The following ICE1 variants were observed in gnomAD, a reference collection of about 807,000 sequenced individuals.
ICE1 encodes interactor of little elongation complex ELL subunit 1, also known as little elongation complex subunit 1.
A neutral mutation model predicts 192.7 loss-of-function variants in ICE1; 64 were observed. The ratio of observed to expected loss-of-function variants is 0.33; its 90% CI spans 0.27 to 0.41. ICE1 has a LOEUF of 0.41. Among genes scored for constraint, ICE1 ranks in the 10% least tolerant of loss-of-function variants. The pLI is 1.00. For synonymous variants in ICE1, 1,010 were observed against 984.5 expected (o/e 1.03, Z -0.49); for missense variants, 2,708 against 2,696.0 (o/e 1.00, Z -0.10).
intron 15 of ICE1, among the ~76,000 whole-genome samples, chr5:5,473,128 T>C (rs1034893584): frequency 1.3e-4 from 20 of 152,218 alleles, no homozygotes; most frequent in Admixed American, 6.5e-4. Flanking sequence ...GAAATAAGAA[T>C]TCATTACTGT....
chr5:5,468,755 A>G (rs1739068143), intron 14 of ICE1, 73 bp from the exon 15 acceptor site: 1 of 935,602 alleles, frequency 1.1e-6, no homozygotes, highest in Non-Finnish European at 1.5e-6. Flanking sequence ...AATTAATACA[A>G]TTTGTTCTTA....
rs375809752 is a variant in ICE1, at chr5:5,462,022, C to T, written c.2688C>T (p.Thr896=). 2.5e-5 allele frequency: 40 copies of T among 1,613,798 alleles called. No homozygotes were observed. The highest frequency in any genetic ancestry group is 1.6e-4 in the African/African-American group (12 of 74,914). ...TLVTENSGNK[T]GMSTVAKCDG... is the part of the protein sequence containing the mutation. ...TAACAGAAAATAGTGGCAACAAAAC[C>T]GGTATGTCAACTGTAGCAAAATGTG... Residue 896 remains threonine (T), a synonymous_variant, in exon 13 of 19, where the codon ACC becomes ACT. Transcript: ENST00000296564.
At chr5:5,444,403 G>C in intron 7 of ICE1, 77 bp downstream of exon 7, 1 of 976,398 alleles carries the variant, frequency 1.0e-6, no homozygotes, top group Non-Finnish European at 1.6e-6. Context: ...GGTACTTCTT[G>C]ATCAAATAGT....
chr5:5,459,996 C>G (rs192828017), intron 12 of ICE1, among the ~76,000 whole-genome samples: 44 of 152,234 alleles, frequency 2.9e-4, no homozygotes, highest in African/African-American at 1.1e-3. Context: ...TCCCTCCCCC[C>G]CTGCACAAGG....
Position 5,460,771 on chromosome 5 carries a change from A to G in ICE1, c.1437A>G (p.Leu479=). ...TGAGTGATAGAAAAAGAGACATTTT[A>G]CATGAGACAAAAACACAAATGGAGG... ...RSMSDRKRDI[L]HETKTQMEVR... Residue 479 remains leucine (L), a synonymous_variant, in exon 13 of 19, where the codon TTA becomes TTG. Transcript: ENST00000296564. The G allele has an allele frequency of 1.2e-6, 2 of 1,614,050 alleles. No individual in the cohort carries two copies. The highest frequency in any genetic ancestry group is 1.7e-6 in the Non-Finnish European group (2 of 1,179,908).
intron 17 of ICE1, among the ~76,000 whole-genome samples, chr5:5,482,256 A>G (rs1324629860): frequency 6.6e-6 from 1 of 152,220 alleles, no homozygotes; most frequent in Non-Finnish European, 1.5e-5. Context: ...ATTTAATAAT[A>G]TGTATTATTT....
At chr5:5,432,822 A>G (rs1255169808) in intron 1 of ICE1, among the ~76,000 whole-genome samples, 2 of 152,196 alleles carry the variant, frequency 1.3e-5, no homozygotes, top group Non-Finnish European at 2.9e-5. Context: ...TCCTATTAAT[A>G]AACATTTTTT....
chr5:5,454,752 G>A (rs1561083961), intron 11 of ICE1, 114 bp downstream of exon 11: 2 of 664,028 alleles, frequency 3.0e-6, no homozygotes, highest in Non-Finnish European at 5.2e-6. Context: ...AAAGAATGAA[G>A]TAAACTAGAA....
intron 18 of ICE1, among the ~76,000 whole-genome samples, chr5:5,487,775 C>A (rs968042389): frequency 5.9e-5 from 9 of 152,202 alleles, no homozygotes; most frequent in Non-Finnish European, 8.8e-5. Context: ...CTGTGGTAAT[C>A]CTCGTCCCCA....
At chr5:5,435,668 T>G (rs202179075) in intron 1 of ICE1, among the ~76,000 whole-genome samples, 12,441 of 123,150 alleles carry the variant, frequency 0.1, 1,140 homozygotes, top group African/African-American at 0.25. Context: ...TTTTTTTTTT[T>G]TTTTGTTTTG....
At chr5:5,451,291 G>C (rs1357267788) in intron 10 of ICE1, among the ~76,000 whole-genome samples, 2 of 152,180 alleles carry the variant, frequency 1.3e-5, no homozygotes, top group Admixed American at 6.5e-5. Flanking sequence ...AAAGGAATAT[G>C]TTAAGGCCTT....
chr5:5,451,472 G>A (rs774743603), intron 10 of ICE1, among the ~76,000 whole-genome samples: 1 of 152,030 alleles, frequency 6.6e-6, no homozygotes, highest in Non-Finnish European at 1.5e-5. Flanking sequence ...CAACTCTTTG[G>A]TAAACTTTGA....
chr5:5,435,681 T>TG lies in ICE1; in HGVS notation c.85-737_85-736insG, dbSNP rs1561074335. Among the ~76,000 whole-genome samples the TG allele has an allele frequency of 9.7e-3, 1,106 of 114,406 alleles. 14 individuals carry two copies. Among genetic ancestry groups the TG allele is most frequent in the South Asian group, 0.021 (74 of 3,520 alleles). The allele number at this position is 114,406 out of a possible 152,430, so 75.1% of individuals were successfully genotyped here. Reference sequence around the variant, plus strand: ...TGTTTTTTTTTTTTTTTGTTTTGTTTTTGTTTTTTTTTTCGAGATGGAATC... The same window carrying TG: ...TGTTTTTTTTTTTTTTTGTTTTGTTTGTTGTTTTTTTTTTCGAGATGGAATC... On this transcript the variant is annotated intron_variant, in intron 1 of 18. Transcript: ENST00000296564.
At chr5:5,483,073 C>T (rs1579582546) in intron 17 of ICE1, among the ~76,000 whole-genome samples, 1 of 152,082 alleles carries the variant, frequency 6.6e-6, no homozygotes, top group African/African-American at 2.4e-5. Context: ...TCACTGCAAC[C>T]TCCACCTCCC....
chr5:5,429,855 G>A (rs1399268051), intron 1 of ICE1, among the ~76,000 whole-genome samples: 1 of 152,168 alleles, frequency 6.6e-6, no homozygotes, highest in East Asian at 1.9e-4. Context: ...AAAATTGTCT[G>A]GTAGAGGGGA....
At chr5:5,444,864 G>T (rs1359715069) in intron 7 of ICE1, among the ~76,000 whole-genome samples, 1 of 152,194 alleles carries the variant, frequency 6.6e-6, no homozygotes, top group Non-Finnish European at 1.5e-5. Flanking sequence ...GAGGGACCAT[G>T]CGAGAATCTA....
At chr5:5,424,437 T>G (rs187026983) in intron 1 of ICE1, among the ~76,000 whole-genome samples, 1 of 148,434 alleles carries the variant, frequency 6.7e-6, no homozygotes, top group African/African-American at 2.5e-5. Flanking sequence ...CTTTAATACA[T>G]TGTATTTATT....
intron 12 of ICE1, 98 bp from the exon 13 acceptor site, chr5:5,460,338 T>A (rs1184165949): frequency 4.8e-6 from 4 of 839,932 alleles, no homozygotes; most frequent in Non-Finnish European, 7.3e-6. Context: ...GTAAAGATTC[T>A]TCAGGAAACG....
At position 5,463,814 on chromosome 5, in the gene ICE1, G is replaced by C. The variant is rs758972899; in HGVS notation, c.4480G>C (p.Glu1494Gln). The C allele has an allele frequency of 1.2e-6, 2 of 1,613,880 alleles. No individual in the cohort carries two copies. Among genetic ancestry groups the C allele is most frequent in the African/African-American group, 2.7e-5 (2 of 74,928 alleles). ...PCGNNLSCPQ[E>Q]DVSSSGQSTN... ...TGGCAATAATCTTTCATGTCCCCAA[G>C]AGGATGTTTCAAGCAGTGGTCAGAG... The change falls in exon 13 of 19, where the codon GAG (glutamate) becomes CAG (glutamine). Residue 1494 changes from glutamate to glutamine, a missense_variant. Physicochemically the swap from Glu to Gln is conservative, Grantham distance 29. This residue lies in a region of ICE1 where 2,366 missense variants were observed against 2,276.6 expected (regional missense o/e 1.04). Coordinates refer to ENST00000296564, the MANE Select transcript of ICE1 (RefSeq NM_015325.3).
Sources: allele counts gnomAD v4.1 joint callset (sites outside exome capture counted in the v4.1 genomes callset), GRCh38; gene constraint gnomAD v4.1.1; regional missense constraint gnomAD v4.1.1; transcripts MANE v1.5; gene names NCBI Gene and HGNC (gene_info 2026-07-23, HGNC 2026-07-21).